Variants in SCFD2 observed in about 807,000 individuals in gnomAD.
SCFD2 encodes sec1 family domain-containing protein 2.
SCFD2 carries 54 observed loss-of-function variants against 58.9 expected under a neutral mutation model. That is an observed-to-expected ratio of 0.92 (90% CI 0.74 to 1.15). The LOEUF is 1.15. SCFD2 is among the 50% of genes most tolerant of loss of function. The pLI is 0.00. For synonymous variants in SCFD2, 321 were observed against 335.9 expected (o/e 0.96, Z 0.49); for missense variants, 805 against 836.6 (o/e 0.96, Z 0.47).
At chr4:53,214,850 C>G (rs1728759622) in intron 4 of SCFD2, among the ~76,000 whole-genome samples, 1 of 152,086 alleles carries the variant, frequency 6.6e-6, no homozygotes. Context: ...GGAAGGGATC[C>G]AGTTTCAGCT....
At chr4:53,080,883 A>G (rs1445343492) in intron 5 of SCFD2, among the ~76,000 whole-genome samples, 4 of 152,214 alleles carry the variant, frequency 2.6e-5, no homozygotes, top group Non-Finnish European at 5.9e-5. Context: ...GCAAACATAC[A>G]TGATACAAAA....
At chr4:53,215,006 G>A (rs1339403475) in intron 4 of SCFD2, among the ~76,000 whole-genome samples, 1 of 152,024 alleles carries the variant, frequency 6.6e-6, no homozygotes, top group Non-Finnish European at 1.5e-5. Context: ...TGTTCCATTG[G>A]TCTATATCTC....
At chr4:53,115,632 G>A (rs1328013704) in intron 5 of SCFD2, among the ~76,000 whole-genome samples, 1 of 152,116 alleles carries the variant, frequency 6.6e-6, no homozygotes, top group African/African-American at 2.4e-5. Context: ...GAAAAGGAAA[G>A]GTAGTCACAT....
intron 5 of SCFD2, among the ~76,000 whole-genome samples, chr4:52,988,574 ACT>A (rs954051993): frequency 6.6e-6 from 1 of 151,762 alleles, no homozygotes; most frequent in African/African-American, 2.4e-5. Context: ...AACCTTCGAG[ACT>A]CTTCTTTTTA....
intron 4 of SCFD2, among the ~76,000 whole-genome samples, chr4:53,158,505 T>C (rs1218053082): frequency 2.0e-5 from 3 of 152,206 alleles, no homozygotes; most frequent in African/African-American, 4.8e-5. Context: ...AGTCAGAAGC[T>C]TGGACTCTAC....
intron 3 of SCFD2, among the ~76,000 whole-genome samples, chr4:53,289,303 CT>C (rs1731766074): frequency 6.6e-6 from 1 of 152,016 alleles, no homozygotes; most frequent in South Asian, 2.1e-4. Flanking sequence ...GAGACAGAGG[CT>C]GCAGTGAGCC....
At chr4:53,068,232 C>T (rs1315636548) in intron 5 of SCFD2, among the ~76,000 whole-genome samples, 1 of 152,028 alleles carries the variant, frequency 6.6e-6, no homozygotes, top group Admixed American at 6.6e-5. Context: ...TCCTCTATAC[C>T]ATCACCCTGA....
intron 2 of SCFD2, among the ~76,000 whole-genome samples, chr4:53,319,551 TAG>T (rs760514628): frequency 1.7e-4 from 25 of 149,950 alleles, no homozygotes; most frequent in Middle Eastern, 3.5e-3. Context: ...TTTTTTTTTT[TAG>T]AAGGAGTCTC....
At chr4:53,089,498 T>G (rs1342129800) in intron 5 of SCFD2, among the ~76,000 whole-genome samples, 1 of 152,186 alleles carries the variant, frequency 6.6e-6, no homozygotes, top group African/African-American at 2.4e-5. Flanking sequence ...AATTATTCAT[T>G]TGACAAATAA....
At chr4:53,106,924 T>C (rs181612213) in intron 5 of SCFD2, among the ~76,000 whole-genome samples, 2 of 152,084 alleles carry the variant, frequency 1.3e-5, no homozygotes, top group Non-Finnish European at 2.9e-5. Flanking sequence ...CATGTAATCA[T>C]CAGATTCACC....
chr4:53,294,823 T>G (rs1486854716), intron 3 of SCFD2, among the ~76,000 whole-genome samples: 1 of 152,162 alleles, frequency 6.6e-6, no homozygotes, highest in African/African-American at 2.4e-5. Context: ...TGTGTAGGTG[T>G]AAGGAAGGAA....
intron 5 of SCFD2, among the ~76,000 whole-genome samples, chr4:53,121,352 A>AT (rs1479604633): frequency 5.9e-5 from 9 of 152,186 alleles, no homozygotes; most frequent in African/African-American, 1.9e-4. Context: ...AGTTCCTACC[A>AT]TTCCTTGCAT....
chr4:53,312,271 G>A (rs572825199), intron 3 of SCFD2, among the ~76,000 whole-genome samples: 2 of 152,190 alleles, frequency 1.3e-5, no homozygotes, highest in African/African-American at 4.8e-5. Flanking sequence ...AACCACTTCC[G>A]GCATTGGCTG....
At chr4:53,202,739 C>G (rs1728288034) in intron 4 of SCFD2, among the ~76,000 whole-genome samples, 1 of 152,100 alleles carries the variant, frequency 6.6e-6, no homozygotes, top group African/African-American at 2.4e-5. Flanking sequence ...AGAGGTCCTT[C>G]ACATCCCTTG....
intron 5 of SCFD2, among the ~76,000 whole-genome samples, chr4:53,092,436 C>G (rs902178808): frequency 6.6e-6 from 1 of 152,110 alleles, no homozygotes; most frequent in Non-Finnish European, 1.5e-5. Flanking sequence ...CAATTACACT[C>G]TCATGCATTT....
At chr4:52,910,436 C>T (rs1029610018) in intron 6 of SCFD2, among the ~76,000 whole-genome samples, 1 of 152,166 alleles carries the variant, frequency 6.6e-6, no homozygotes, top group Non-Finnish European at 1.5e-5. Flanking sequence ...CTTTACATGT[C>T]ACTATAAAAC....
At chr4:52,892,243 G>A (rs550391589) in intron 7 of SCFD2, among the ~76,000 whole-genome samples, 33 of 152,112 alleles carry the variant, frequency 2.2e-4, no homozygotes, top group Admixed American at 3.9e-4. Context: ...CTCAATCCCC[G>A]TCCGGTGGAA....
intron 5 of SCFD2, among the ~76,000 whole-genome samples, chr4:53,028,803 T>C (rs762851234): frequency 3.4e-4 from 52 of 152,212 alleles, no homozygotes; most frequent in Non-Finnish European, 4.3e-4. Flanking sequence ...CTAAGTTTTT[T>C]TCTCAATTCT....
chr4:52,975,879 C>T (rs745532288), intron 5 of SCFD2, among the ~76,000 whole-genome samples: 43 of 151,956 alleles, frequency 2.8e-4, no homozygotes, highest in African/African-American at 7.5e-4. Flanking sequence ...TGTAGGGACA[C>T]GGATGAAGCT....
Sources: allele counts gnomAD v4.1 joint callset (sites outside exome capture counted in the v4.1 genomes callset), GRCh38; gene constraint gnomAD v4.1.1; transcripts MANE v1.5; gene names NCBI Gene and HGNC (gene_info 2026-07-23, HGNC 2026-07-21).